The following IL15RA variants were observed in gnomAD, a reference collection of about 807,000 sequenced individuals.
The protein encoded by IL15RA is interleukin 15 receptor subunit alpha.
IL15RA carries 26 observed loss-of-function variants against 24.2 expected under a neutral mutation model. That is an observed-to-expected ratio of 1.07 (90% CI 0.79 to 1.49). IL15RA has a LOEUF of 1.49. IL15RA is among the 40% of genes most tolerant of loss of function. The pLI is 0.00. For synonymous variants in IL15RA, 166 were observed against 157.6 expected, an observed-to-expected ratio of 1.05 and a Z score of -0.40; for missense variants, 354 against 356.4, an observed-to-expected ratio of 0.99 and a Z score of 0.05.
In IL15RA at chr10:5,960,626, G is replaced by T. The variant is rs1485124793; in HGVS notation, c.383-59C>A. The T allele has an allele frequency of 7.0e-7, 1 of 1,438,424 alleles. No homozygotes were observed. The highest frequency in any genetic ancestry group is 9.7e-7 in the Non-Finnish European group (1 of 1,032,696). 89.1% of individuals were successfully genotyped at this position (1,438,424 alleles called of 1,614,324 possible). A position where few individuals can be genotyped will look rare whatever the true frequency, so the allele number is the denominator to read the frequency against. On this transcript the variant is annotated intron_variant, in intron 3 of 6. Transcript: ENST00000379977. This position sits in a 1 kb window ranked among gnomAD's most constrained non-coding sequence, Gnocchi z 5.1. ...TGTGCAGACTCCCCTCCTCTCAGCT[G>T]CAGCACGGGGTGATGTGGGAGCTGC...
chr10:5,951,111 C>T (rs1833832368), downstream of IL15RA, among the ~76,000 whole-genome samples: 1 of 132,726 alleles, frequency 7.5e-6, no homozygotes. Context: ...CACTGCACTC[C>T]AGCCTGGGCG....
rs966294547 is a variant in IL15RA at position 5,961,489 on chromosome 10, C to T, written c.383-922G>A. The stretch of plus-strand genomic sequence containing the variant: ...TGTTTACTAGAGAAGGCAGGCCCAA[C>T]GCTGGAGGCTCAGCTGAGAGCAGGT... On this transcript the variant is annotated intron_variant, in intron 3 of 6. Coordinates refer to ENST00000379977, the MANE Select transcript of IL15RA (RefSeq NM_002189.4). The surrounding 1 kb of genome is among the most constrained non-coding windows in gnomAD (Gnocchi z 5.2). 1.3e-5 allele frequency among the ~76,000 whole-genome samples: 2 copies of T among 152,232 alleles called. No individual in the cohort carries two copies. The highest frequency in any genetic ancestry group is 6.5e-5 in the Admixed American group (1 of 15,288).
At chr10:5,969,871 G>A (rs779475536) in intron 1 of IL15RA, among the ~76,000 whole-genome samples, 34 of 152,148 alleles carry the variant, frequency 2.2e-4, no homozygotes, top group Non-Finnish European at 3.4e-4. Flanking sequence ...AATTTTCAGC[G>A]TGCCAGCCTT....
rs1835701687 is a variant in IL15RA, at chr10:5,962,218, G to A, written c.382+1525C>T. 6.6e-6 allele frequency among the ~76,000 whole-genome samples: 1 copy of A among 152,168 alleles called. No individual in the cohort carries two copies. The highest frequency in any genetic ancestry group is 2.4e-5 in the African/African-American group (1 of 41,432). On this transcript the variant is annotated intron_variant, in intron 3 of 6. Coordinates refer to ENST00000379977, the MANE Select transcript of IL15RA (RefSeq NM_002189.4). The surrounding 1 kb of genome is among the most constrained non-coding windows in gnomAD (Gnocchi z 5.2). The stretch of plus-strand genomic sequence containing the variant: ...AGCCCCTCAACCCCTTCCTCCCTGT[G>A]CAGGTGACTCACTAGGAGGGAACCT...
rs1835861727 is a variant in IL15RA, at chr10:5,963,003, T to C, written c.382+740A>G. 6.6e-6 allele frequency among the ~76,000 whole-genome samples: 1 copy of C among 152,182 alleles called. No individual in the cohort carries two copies. Among genetic ancestry groups the C allele is most frequent in the African/African-American group, 2.4e-5 (1 of 41,426 alleles). ...CTGGCAGCTTCAGGCAGCGCCTCTATAATAGAGCAGTCACTGGGATGTGCT... is the reference window on the plus strand; with the variant it reads ...CTGGCAGCTTCAGGCAGCGCCTCTACAATAGAGCAGTCACTGGGATGTGCT... On this transcript the variant is annotated intron_variant, in intron 3 of 6. Coordinates refer to ENST00000379977, the MANE Select transcript of IL15RA (RefSeq NM_002189.4). The surrounding 1 kb of genome is among the most constrained non-coding windows in gnomAD (Gnocchi z 5.3).
chr10:5,956,957 A>AT (rs767909938), intron 5 of IL15RA, among the ~76,000 whole-genome samples: 18,740 of 127,664 alleles, frequency 0.15, 2,104 homozygotes, highest in African/African-American at 0.27. Flanking sequence ...TTCACTTGCA[A>AT]TTTTTTTTTT....
At chr10:5,974,344 A>G (rs969384989) in intron 1 of IL15RA, among the ~76,000 whole-genome samples, 5 of 152,190 alleles carry the variant, frequency 3.3e-5, no homozygotes, top group Non-Finnish European at 7.3e-5. Flanking sequence ...ATAAACAGAT[A>G]CTACCAGAGA....
At chr10:5,950,414 A>T (rs1215158592), downstream of IL15RA, among the ~76,000 whole-genome samples, 1 of 152,180 alleles carries the variant, frequency 6.6e-6, no homozygotes, top group African/African-American at 2.4e-5. The surrounding 1 kb of genome is among the most constrained non-coding windows in gnomAD (Gnocchi z 5.6). Flanking sequence ...ACATAAAAAT[A>T]AAAAAGGACG....
Position 5,966,699 on chromosome 10 carries a change from G to A in IL15RA, c.89-360C>T, listed in dbSNP as rs777098131. Among the ~76,000 whole-genome samples, 6 of 152,104 alleles carry A rather than the reference G, an allele frequency of 3.9e-5. No homozygotes were observed. The highest frequency in any genetic ancestry group is 5.9e-5 in the Non-Finnish European group (4 of 68,016). On this transcript the variant is annotated intron_variant, in intron 1 of 6. Coordinates refer to ENST00000379977, the MANE Select transcript of IL15RA (RefSeq NM_002189.4). The surrounding 1 kb of genome is among the most constrained non-coding windows in gnomAD (Gnocchi z 6.4). ...TCCAATTCTCACTGAACGACAGCAA[G>A]TGCCTCCAGATAGGCCCCCTGCAGG...
rs765952366 is a variant in IL15RA, at chr10:5,967,977, GGAACCT to G, written c.89-1644_89-1639del. ...AGGAGGCTGAGGCAGGAGAATCACAGGAACCTGAGAGGCGGAGGTTGCAGTGAGCCA... is the reference window on the plus strand; with the variant it reads ...AGGAGGCTGAGGCAGGAGAATCACAGGAGAGGCGGAGGTTGCAGTGAGCCA... On this transcript the variant is annotated intron_variant, in intron 1 of 6. Coordinates refer to ENST00000379977, the MANE Select transcript of IL15RA (RefSeq NM_002189.4). The surrounding 1 kb of genome is among the most constrained non-coding windows in gnomAD (Gnocchi z 4.4). Among the ~76,000 whole-genome samples, 1 of 152,022 alleles carries G rather than the reference GGAACCT, an allele frequency of 6.6e-6. No individual in the cohort carries two copies. Among genetic ancestry groups the G allele is most frequent in the East Asian group, 1.9e-4 (1 of 5,174 alleles).
In IL15RA at chr10:5,966,623, A is replaced by C. The variant is rs939803339; in HGVS notation, c.89-284T>G. Among the ~76,000 whole-genome samples, 1 of 151,976 alleles carries C rather than the reference A, an allele frequency of 6.6e-6. No individual in the cohort carries two copies. Among genetic ancestry groups the C allele is most frequent in the Admixed American group, 6.5e-5 (1 of 15,272 alleles). ...TCCCTTCATTTCCCACCCCTCTCCA[A>C]GCCCTCAGTCTCTCTTAAAGTCTTC... is the stretch of plus-strand genomic sequence containing the variant. On this transcript the variant is annotated intron_variant, in intron 1 of 6. Transcript: ENST00000379977. This position sits in a 1 kb window ranked among gnomAD's most constrained non-coding sequence, Gnocchi z 6.4.
At chr10:5,969,432 G>A (rs1175074378) in intron 1 of IL15RA, among the ~76,000 whole-genome samples, 1 of 151,864 alleles carries the variant, frequency 6.6e-6, no homozygotes, top group East Asian at 1.9e-4. Context: ...GAGTGCAGTG[G>A]CATGATCATA....
Position 5,955,194 on chromosome 10 carries a change from G to A in IL15RA, c.692+1185C>T, listed in dbSNP as rs1834354528. Among the ~76,000 whole-genome samples, 1 of 151,508 alleles carries A rather than the reference G, an allele frequency of 6.6e-6. No individual in the cohort carries two copies. Among genetic ancestry groups the A allele is most frequent in the African/African-American group, 2.4e-5 (1 of 41,172 alleles). ...GGCTCACTGCAACCTCCGCCTCCCT[G>A]GTTCAAGCAATTCTCCTGTCTCAGC... On this transcript the variant is annotated intron_variant, in intron 6 of 6. Coordinates refer to ENST00000379977, the MANE Select transcript of IL15RA (RefSeq NM_002189.4). The surrounding 1 kb of genome is among the most constrained non-coding windows in gnomAD (Gnocchi z 5.3).
chr10:5,973,825 C>A lies in IL15RA; in HGVS notation c.88+3580G>T, dbSNP rs1837988319. Among the ~76,000 whole-genome samples, 1 of 152,126 alleles carries A rather than the reference C, an allele frequency of 6.6e-6. No homozygotes were observed. The highest frequency in any genetic ancestry group is 1.5e-5 in the Non-Finnish European group (1 of 68,020). ...CAACATAACAAATTAATAAATTAGA[C>A]TTCATAAAAATTAAAAACTTCTGCT... On this transcript the variant is annotated intron_variant, in intron 1 of 6. Coordinates refer to ENST00000379977, the MANE Select transcript of IL15RA (RefSeq NM_002189.4). This position sits in a 1 kb window ranked among gnomAD's most constrained non-coding sequence, Gnocchi z 4.5.
chr10:5,956,454 A>C lies in IL15RA; in HGVS notation c.617T>G (p.Val206Gly). ...CAGGACAGTGGACGTGGAGATAGCC[A>C]CTGAAAGGGAGGAGACCACGCTGAG... is the stretch of plus-strand genomic sequence containing the variant. ...VYPQGHSDTTVAISTSTVLLC... is the reference protein window; with the variant it reads ...VYPQGHSDTTGAISTSTVLLC... Residue 206 changes from valine to glycine, a missense_variant and splice_region_variant, in exon 6 of 7, where the codon GTG (valine) becomes GGG (glycine). Transcript: ENST00000379977. 1 of 1,613,014 alleles carries C rather than the reference A, an allele frequency of 6.2e-7. No homozygotes were observed. Among genetic ancestry groups the C allele is most frequent in the South Asian group, 1.1e-5 (1 of 91,068 alleles).
At chr10:5,977,734 C>A, upstream of IL15RA, 2 of 1,031,836 alleles carry the variant, frequency 1.9e-6, no homozygotes, top group South Asian at 9.1e-5. Context: ...ACCCCTGTCC[C>A]CGGGACGCAT....
rs8177738 is a variant in IL15RA at position 5,953,852 on chromosome 10, C to G, written c.693-646G>C. On this transcript the variant is annotated intron_variant, in intron 6 of 6. Transcript: ENST00000379977. This position sits in a 1 kb window ranked among gnomAD's most constrained non-coding sequence, Gnocchi z 5.3. ...CAGGCGAGGCAGGACACTGGTCATA[C>G]GTGGCTGGCCTGTCTGGAGCTGCCT... The G allele has an allele frequency of 6.3e-6, 1 of 159,718 alleles. No individual in the cohort carries two copies. The highest frequency in any genetic ancestry group is 1.8e-4 in the South Asian group (1 of 5,496). 9.9% of individuals were successfully genotyped at this position (159,718 alleles called of 1,614,324 possible).
chr10:5,950,440 C>T (rs527249703), downstream of IL15RA, among the ~76,000 whole-genome samples: 2 of 152,188 alleles, frequency 1.3e-5, no homozygotes, highest in Non-Finnish European at 2.9e-5. This position sits in a 1 kb window ranked among gnomAD's most constrained non-coding sequence, Gnocchi z 5.6. Context: ...TTCCCAGCAC[C>T]TGGCAGATGC....
At chr10:5,976,852 G>A (rs1838536861) in intron 1 of IL15RA, 1 of 152,288 alleles carries the variant, frequency 6.6e-6, no homozygotes, top group South Asian at 2.1e-4. Context: ...AGAATTGGAA[G>A]TTGTTTCCAG....
Sources: allele counts gnomAD v4.1 joint callset (sites outside exome capture counted in the v4.1 genomes callset), GRCh38; gene constraint gnomAD v4.1.1; non-coding constraint Gnocchi (gnomAD v3.1); transcripts MANE v1.5; gene names NCBI Gene and HGNC (gene_info 2026-07-23, HGNC 2026-07-21).